Variants in PHEX observed in about 807,000 individuals in gnomAD.
The protein encoded by PHEX is phosphate-regulating neutral endopeptidase PHEX.
In PHEX, 16 loss-of-function variants were observed where a neutral mutation model predicts 68.0. The observed-to-expected ratio is 0.24, with a 90% CI of 0.16 to 0.36. The LOEUF (loss-of-function observed/expected upper bound fraction) is 0.36, where lower values mean the gene tolerates loss of function less well. Among genes scored for constraint, PHEX ranks in the 10% least tolerant of loss-of-function variants. The pLI, the probability that PHEX is intolerant of heterozygous loss-of-function variation, is 1.00. For synonymous variants in PHEX, 208 were observed against 205.1 expected (o/e 1.01, Z -0.12); for missense variants, 480 against 575.5 (o/e 0.83, Z 1.70).
At position 22,079,852 on chromosome X, in the gene PHEX, A is replaced by G. The variant is rs769505514; in HGVS notation, c.663+2150A>G. ...ATCACAGCTTAAAAATGCAGAAGAA[A>G]TAATAGGAAGCTATCTATTTAAAAA... On this transcript the variant is annotated intron_variant, in intron 5 of 21. Transcript: ENST00000379374. 3.6e-5 allele frequency among the ~76,000 whole-genome samples: 4 copies of G among 111,765 alleles called. No individual in the cohort carries two copies. The South Asian group carries it at 1.1e-3, about 31-fold the overall frequency.
Sources: allele counts gnomAD v4.1 joint callset (sites outside exome capture counted in the v4.1 genomes callset), GRCh38; gene constraint gnomAD v4.1.1; transcripts MANE v1.5; gene names NCBI Gene and HGNC (gene_info 2026-07-23, HGNC 2026-07-21).